The following SPATA13 variants were observed in gnomAD, a reference collection of about 807,000 sequenced individuals.
The protein encoded by SPATA13 is spermatogenesis-associated protein 13.
SPATA13 carries 50 observed loss-of-function variants against 104.0 expected under a neutral mutation model. That is an observed-to-expected ratio of 0.48 (90% CI 0.38 to 0.61). SPATA13 has a LOEUF of 0.61. Among genes scored for constraint, SPATA13 ranks in the 20% least tolerant of loss-of-function variants. The probability of loss-of-function intolerance (pLI) is 0.00; values close to 1 mark genes in which losing one functional copy is unlikely to be tolerated. For missense variants in SPATA13, 1,524 were observed against 1,690.6 expected (o/e 0.90, Z 1.73); for synonymous variants, 606 against 667.5 (o/e 0.91, Z 1.42).
chr13:24,131,208 T>C (rs1056587602), intron 3 of SPATA13, among the ~76,000 whole-genome samples: 1 of 152,246 alleles, frequency 6.6e-6, no homozygotes, highest in Admixed American at 6.5e-5. Context: ...TATTGGGGTT[T>C]TTAAGTTCTT....
At chr13:24,096,141 C>A (rs1043535051) in intron 3 of SPATA13, among the ~76,000 whole-genome samples, 2 of 152,148 alleles carry the variant, frequency 1.3e-5, no homozygotes, top group Non-Finnish European at 2.9e-5. Context: ...TGGGATCCTA[C>A]CACCTGCCTG....
intron 1 of SPATA13, among the ~76,000 whole-genome samples, chr13:24,188,807 C>T (rs1374611469): frequency 6.6e-6 from 1 of 152,152 alleles, no homozygotes; most frequent in African/African-American, 2.4e-5. Context: ...GGTTTCAGAG[C>T]TTCAAAGGAC....
intron 4 of SPATA13, among the ~76,000 whole-genome samples, chr13:24,263,481 C>A (rs1405293891): frequency 6.6e-6 from 1 of 152,146 alleles, no homozygotes; most frequent in East Asian, 1.9e-4. Flanking sequence ...GGATTGGTTC[C>A]AGGACTCTTC....
intron 4 of SPATA13, among the ~76,000 whole-genome samples, chr13:24,265,011 C>T (rs1047619616): frequency 6.6e-6 from 1 of 152,184 alleles, no homozygotes; most frequent in Non-Finnish European, 1.5e-5. Flanking sequence ...TTTGTGTGTT[C>T]AGGTCCACAT....
intron 1 of SPATA13, among the ~76,000 whole-genome samples, chr13:24,197,696 T>G (rs2760365): frequency 0.42 from 64,515 of 152,036 alleles, 14,038 homozygotes; most frequent in African/African-American, 0.51. Context: ...TCAGTTAGAC[T>G]GGCTTTGGTG....
intron 3 of SPATA13, among the ~76,000 whole-genome samples, chr13:24,112,553 T>TACACACAC (rs3075291): frequency 6.7e-6 from 1 of 150,020 alleles, no homozygotes; most frequent in African/African-American, 2.4e-5. Flanking sequence ...GTGCCAGGCA[T>TACACACAC]ACACACACAC....
intron 3 of SPATA13, among the ~76,000 whole-genome samples, chr13:24,110,580 G>A (rs924130947): frequency 6.6e-6 from 1 of 152,126 alleles, no homozygotes; most frequent in African/African-American, 2.4e-5. Flanking sequence ...AGGGTTTGTG[G>A]GTAAATAACC....
intron 2 of SPATA13, among the ~76,000 whole-genome samples, chr13:24,234,035 C>A (rs1039506169): frequency 6.6e-6 from 1 of 151,898 alleles, no homozygotes; most frequent in African/African-American, 2.4e-5. Flanking sequence ...TAGTGAGATA[C>A]CATTAAATAG....
Position 24,219,957 on chromosome 13 carries a change from T to C in SPATA13, c.-111-2862T>C, listed in dbSNP as rs2031159. Among the ~76,000 whole-genome samples the C allele has an allele frequency of 0.017, 2,534 of 152,300 alleles. 133 individuals carry two copies. The East Asian group carries it at 0.18, about 11-fold the overall frequency. On this transcript the variant is annotated intron_variant, in intron 1 of 12. Coordinates refer to ENST00000382108, the MANE Select transcript of SPATA13 (RefSeq NM_001166271.3). ...GAAAGTCCCATATCCTGAGATACCC[T>C]TCATTCCTGGGTCAGTCAGACACCT... is the stretch of plus-strand genomic sequence containing the variant.
intron 8 of SPATA13, 24 bp downstream of exon 8, chr13:24,289,202 TTAA>T: frequency 6.3e-7 from 1 of 1,582,418 alleles, no homozygotes; most frequent in East Asian, 2.2e-5. Flanking sequence ...TACTTCATTA[TTAA>T]TAACATCTGC....
chr13:24,233,000 T>G (rs1052837428), intron 2 of SPATA13, among the ~76,000 whole-genome samples: 1 of 152,252 alleles, frequency 6.6e-6, no homozygotes, highest in African/African-American at 2.4e-5. Flanking sequence ...ATTTTAGCTC[T>G]TACATTTAGG....
intron 1 of SPATA13, among the ~76,000 whole-genome samples, chr13:24,191,634 C>T (rs945874878): frequency 2.0e-5 from 3 of 150,420 alleles, no homozygotes; most frequent in Non-Finnish European, 3.0e-5. Flanking sequence ...CTCAGCCTCC[C>T]GAGTAGCTGG....
intron 1 of SPATA13, among the ~76,000 whole-genome samples, chr13:23,982,506 G>A (rs1310272585): frequency 1.3e-5 from 2 of 152,220 alleles, no homozygotes; most frequent in East Asian, 3.9e-4. Flanking sequence ...ATGAAAACTA[G>A]AGTAGAACTA....
chr13:24,117,203 A>C (rs373831317), intron 3 of SPATA13, among the ~76,000 whole-genome samples: 11 of 152,328 alleles, frequency 7.2e-5, no homozygotes, highest in African/African-American at 2.6e-4. Flanking sequence ...TGTAGATGGA[A>C]TAACAAATCT....
Position 24,272,513 on chromosome 13 carries a change from G to C in SPATA13, c.2165-11622G>C, listed in dbSNP as rs374828308. ...GCCTATGGTGGGTTTTCTTTCCTTT[G>C]AGAGCTCTGAGAGGGCAGGGGGCAG... On this transcript the variant is annotated intron_variant, in intron 4 of 12. Transcript: ENST00000382108. 1.2e-4 allele frequency among the ~76,000 whole-genome samples: 19 copies of C among 152,206 alleles called. No individual in the cohort carries two copies. In the South Asian group the frequency reaches 3.9e-3, roughly 32 times the overall value.
At chr13:24,049,765 A>G (rs1238344528) in intron 3 of SPATA13, among the ~76,000 whole-genome samples, 2 of 152,216 alleles carry the variant, frequency 1.3e-5, no homozygotes, top group Non-Finnish European at 2.9e-5. Flanking sequence ...TCCTGAAGAA[A>G]GTACCTCAAG....
intron 4 of SPATA13, among the ~76,000 whole-genome samples, chr13:24,257,824 T>TAAAG (rs766268991): frequency 1.3e-5 from 2 of 152,158 alleles, no homozygotes; most frequent in Non-Finnish European, 2.9e-5. Flanking sequence ...TTGAGTCCTT[T>TAAAG]AAAGGCAGGT....
rs1169134399 is a variant in SPATA13, at chr13:24,250,542, C to T, written c.2019+700C>T. Among the ~76,000 whole-genome samples the T allele has an allele frequency of 4.6e-5, 7 of 152,232 alleles. No individual in the cohort carries two copies. The East Asian group carries it at 1.3e-3, about 29-fold the overall frequency. Reference sequence around the variant, plus strand: ...GAACAATATATGAGTAATATATATGCCCACTTTCATTTTTAAAACCTGGTA... The same window carrying T: ...GAACAATATATGAGTAATATATATGTCCACTTTCATTTTTAAAACCTGGTA... On this transcript the variant is annotated intron_variant, in intron 3 of 12. Coordinates refer to ENST00000382108, the MANE Select transcript of SPATA13 (RefSeq NM_001166271.3).
intron 1 of SPATA13, among the ~76,000 whole-genome samples, chr13:24,213,860 A>G (rs1871153176): frequency 6.6e-6 from 1 of 152,204 alleles, no homozygotes. Context: ...TATTTAGAAT[A>G]CTACTTGTTC....
Sources: allele counts gnomAD v4.1 joint callset (sites outside exome capture counted in the v4.1 genomes callset), GRCh38; gene constraint gnomAD v4.1.1; transcripts MANE v1.5; gene names NCBI Gene and HGNC (gene_info 2026-07-23, HGNC 2026-07-21).